TRMT10B: variants seen among roughly 807,000 people sequenced by gnomAD.
TRMT10B encodes tRNA methyltransferase 10B.
A neutral mutation model predicts 43.8 loss-of-function variants in TRMT10B; 33 were observed. The observed-to-expected ratio is 0.75, with a 90% CI of 0.57 to 1.01. The LOEUF (loss-of-function observed/expected upper bound fraction) is 1.01. Ranked by LOEUF, TRMT10B falls within the 50% of genes least tolerant of loss-of-function variation. TRMT10B has a pLI of 0.00. For synonymous variants in TRMT10B, 137 were observed against 130.6 expected, an observed-to-expected ratio of 1.05 and a Z score of -0.34; for missense variants, 362 against 369.8, an observed-to-expected ratio of 0.98 and a Z score of 0.17.
chr9:37,754,234 A>G (rs1825342704), intron 1 of TRMT10B, among the ~76,000 whole-genome samples: 3 of 152,218 alleles, frequency 2.0e-5, no homozygotes, highest in Admixed American at 2.0e-4. Context: ...ACACTTGCCT[A>G]CATTGAAGGG....
At chr9:37,759,332 A>G (rs765362996) in intron 1 of TRMT10B, among the ~76,000 whole-genome samples, 6 of 152,140 alleles carry the variant, frequency 3.9e-5, no homozygotes, top group Admixed American at 1.3e-4. Flanking sequence ...AGCAACATGT[A>G]TAAGTCTCAA....
At chr9:37,761,869 A>ATG in intron 1 of TRMT10B, 34 bp from the exon 2 acceptor site, 1 of 1,454,932 alleles carries the variant, frequency 6.9e-7, no homozygotes, top group Admixed American at 2.0e-5. Flanking sequence ...TAGTGAAATA[A>ATG]TGTAATAGCT....
intron 7 of TRMT10B, among the ~76,000 whole-genome samples, chr9:37,772,496 G>T (rs1003436946): frequency 1.3e-5 from 2 of 152,066 alleles, no homozygotes; most frequent in African/African-American, 4.8e-5. Context: ...ACTGTGTCCA[G>T]CCTTGAATTC....
chr9:37,773,875 C>T (rs1175943853), intron 7 of TRMT10B, among the ~76,000 whole-genome samples: 6 of 148,740 alleles, frequency 4.0e-5, no homozygotes, highest in Non-Finnish European at 8.9e-5. Context: ...TACTTGAACC[C>T]AAGAGTTAGA....
At chr9:37,771,012 C>T (rs1827516062) in intron 7 of TRMT10B, among the ~76,000 whole-genome samples, 1 of 152,212 alleles carries the variant, frequency 6.6e-6, no homozygotes, top group East Asian at 1.9e-4. Flanking sequence ...GCAAGGATAA[C>T]TCTGATATTG....
intron 4 of TRMT10B, among the ~76,000 whole-genome samples, chr9:37,766,116 C>T (rs1471209935): frequency 1.3e-5 from 2 of 152,040 alleles, no homozygotes; most frequent in Non-Finnish European, 2.9e-5. Flanking sequence ...GCTTTTGTTG[C>T]CGTTGCTTTT....
chr9:37,758,199 T>G (rs1257020499), intron 1 of TRMT10B, among the ~76,000 whole-genome samples: 1 of 152,056 alleles, frequency 6.6e-6, no homozygotes, highest in Non-Finnish European at 1.5e-5. Flanking sequence ...ATTGCTTGAG[T>G]CCAGGAATTC....
intron 1 of TRMT10B, among the ~76,000 whole-genome samples, chr9:37,758,854 T>C (rs954785736): frequency 6.6e-6 from 1 of 152,188 alleles, no homozygotes; most frequent in African/African-American, 2.4e-5. Flanking sequence ...CCTGGCTTTC[T>C]ACCTGAGGGT....
intron 1 of TRMT10B, 33 bp from the exon 2 acceptor site, chr9:37,761,870 T>C: frequency 2.1e-6 from 3 of 1,460,046 alleles, no homozygotes; most frequent in South Asian, 1.3e-5. Context: ...AGTGAAATAA[T>C]GTAATAGCTC....
chr9:37,765,281 ATGT>A (rs1329960587), intron 4 of TRMT10B, among the ~76,000 whole-genome samples: 2 of 151,688 alleles, frequency 1.3e-5, no homozygotes, highest in Non-Finnish European at 2.9e-5. Context: ...CTGGTGTGTG[ATGT>A]TCCCCTTCCC....
intron 1 of TRMT10B, among the ~76,000 whole-genome samples, chr9:37,755,675 TTG>T: frequency 6.6e-6 from 1 of 152,244 alleles, no homozygotes; most frequent in Middle Eastern, 3.4e-3. Flanking sequence ...GTGGTTGGAG[TTG>T]TTTTTATTTG....
intron 2 of TRMT10B, 65 bp downstream of exon 2, chr9:37,762,182 T>C: frequency 6.8e-7 from 1 of 1,480,418 alleles, no homozygotes; most frequent in South Asian, 1.3e-5. Context: ...ACCCCTGTTT[T>C]AAAGATGGAT....
chr9:37,754,058 G>C (rs1402428049), intron 1 of TRMT10B, among the ~76,000 whole-genome samples: 1 of 152,232 alleles, frequency 6.6e-6, no homozygotes, highest in African/African-American at 2.4e-5. Flanking sequence ...CAGGCGGGGT[G>C]CTCTCAGGCT....
chr9:37,772,690 TAA>T (rs1387097870), intron 7 of TRMT10B, among the ~76,000 whole-genome samples: 3 of 152,022 alleles, frequency 2.0e-5, no homozygotes. Context: ...TGTTACAGAT[TAA>T]AAGAGGTTCG....
intron 7 of TRMT10B, among the ~76,000 whole-genome samples, chr9:37,773,787 TCA>T: frequency 6.6e-6 from 1 of 151,910 alleles, no homozygotes; most frequent in Non-Finnish European, 1.5e-5. Context: ...TGAGCCGAAA[TCA>T]CACCACTGTA....
intron 1 of TRMT10B, among the ~76,000 whole-genome samples, chr9:37,759,219 C>T (rs1183453612): frequency 6.6e-6 from 1 of 152,072 alleles, no homozygotes; most frequent in Non-Finnish European, 1.5e-5. Flanking sequence ...GATTTATTCC[C>T]CAAGCTGGAA....
chr9:37,759,998 C>T (rs1826152798), intron 1 of TRMT10B, among the ~76,000 whole-genome samples: 1 of 152,156 alleles, frequency 6.6e-6, no homozygotes, highest in African/African-American at 2.4e-5. Flanking sequence ...GTAACTTGAT[C>T]TCAAATTTCA....
chr9:37,755,714 T>G (rs1825585854), intron 1 of TRMT10B, among the ~76,000 whole-genome samples: 1 of 152,170 alleles, frequency 6.6e-6, no homozygotes, highest in African/African-American at 2.4e-5. Context: ...CATCCCAAAT[T>G]CCTGGTTTAA....
intron 7 of TRMT10B, among the ~76,000 whole-genome samples, chr9:37,774,690 A>G (rs939348728): frequency 1.3e-5 from 2 of 152,238 alleles, no homozygotes; most frequent in African/African-American, 4.8e-5. Context: ...ATCCTTTCAA[A>G]TAAGTCCCTG....
Sources: gnomAD v4.1 joint callset for allele counts (sites outside exome capture counted in the v4.1 genomes callset) on GRCh38, gnomAD v4.1.1 for gene constraint, MANE v1.5 for transcripts, NCBI Gene and HGNC (gene_info 2026-07-23, HGNC 2026-07-21) for gene names.